CFAP69: variants seen among roughly 807,000 people sequenced by gnomAD.
CFAP69 encodes cilia- and flagella-associated protein 69.
A neutral mutation model predicts 123.0 loss-of-function variants in CFAP69; 92 were observed. That is an observed-to-expected ratio of 0.75 (90% confidence interval 0.63 to 0.89). The LOEUF is 0.89. Ranked by LOEUF, CFAP69 falls within the 40% of genes least tolerant of loss-of-function variation. The pLI is 0.00. For synonymous variants in CFAP69, 380 were observed against 364.3 expected (o/e 1.04, Z -0.49); for missense variants, 1,067 against 1,096.9 (o/e 0.97, Z 0.39).
rs1283218416 is a variant in CFAP69 at position 90,271,795 on chromosome 7, A to G, written c.697A>G (p.Ile233Val). ...TTTATTTTCAGAAGTTAATTGTACT[A>G]TAATGATGAAAGCACAAGCAGCCAG... Reference protein sequence around the residue: ...HLSTSEVNCTIMMKAQAASGI... With the variant: ...HLSTSEVNCTVMMKAQAASGI... Residue 233 changes from isoleucine (I) to valine (V), a missense_variant, in exon 8 of 23, where the codon ATA becomes GTA. Transcript: ENST00000389297. The G allele has an allele frequency of 6.3e-7, 1 of 1,581,374 alleles. No individual in the cohort carries two copies. The highest frequency in any genetic ancestry group is 8.6e-7 in the Non-Finnish European group (1 of 1,163,650).
At chr7:90,321,712 A>G in the CFAP69 span, among the ~76,000 whole-genome samples, 1 of 152,154 alleles carries the variant, frequency 6.6e-6, no homozygotes, top group African/African-American at 2.4e-5. Context: ...GAACGGTTCT[A>G]ATCTCTAGCT....
At chr7:90,309,145 T>C (rs1794013014) in intron 21 of CFAP69, 118 bp from the exon 22 acceptor site, 1 of 499,482 alleles carries the variant, frequency 2.0e-6, no homozygotes, top group East Asian at 3.2e-5. Context: ...ATTTCAGCGC[T>C]ATCTAATAAA....
In CFAP69 at chr7:90,286,224, G is replaced by T. The variant is rs1236737159; in HGVS notation, c.1538-57G>T. The T allele has an allele frequency of 7.8e-6, 11 of 1,414,602 alleles. No homozygotes were observed. In the East Asian group the frequency reaches 2.2e-4, roughly 28 times the overall value. The allele number at this position is 1,414,602 out of a possible 1,614,324, so 87.6% of individuals were successfully genotyped here. Reference sequence around the variant, plus strand: ...TAGAAGAGATTTCCAAACAGTAATTGATCAAAATAAAAGTAGTGTCCAATA... The same window carrying T: ...TAGAAGAGATTTCCAAACAGTAATTTATCAAAATAAAAGTAGTGTCCAATA... On this transcript the variant is annotated intron_variant, in intron 13 of 22. Transcript: ENST00000389297.
rs376753887 is a variant in CFAP69 at position 90,299,118 on chromosome 7, G to A, written c.1858-749G>A. On this transcript the variant is annotated intron_variant, in intron 16 of 22. Coordinates refer to ENST00000389297, the MANE Select transcript of CFAP69 (RefSeq NM_001039706.3). ...TTTCATTTTATAAAAGGAAACTGAT[G>A]ATGTTCGCAATTAAAACAAAAGCTT... 2.6e-5 allele frequency among the ~76,000 whole-genome samples: 4 copies of A among 152,220 alleles called. 1 individual carries two copies.
intron 12 of CFAP69, 130 bp from the exon 13 acceptor site, chr7:90,282,762 T>A: frequency 1.5e-6 from 1 of 659,898 alleles, no homozygotes; most frequent in Non-Finnish European, 2.2e-6. Context: ...TTTATTTCTC[T>A]AAAAAAAAAC....
chr7:90,288,380 A>G (rs756543754), intron 15 of CFAP69, 28 bp downstream of exon 15: 12 of 1,599,094 alleles, frequency 7.5e-6, no homozygotes, highest in Non-Finnish European at 1.0e-5. Context: ...CAAATTAGGT[A>G]GACTCACAGC....
chr7:90,282,951 G>T lies in CFAP69; in HGVS notation c.1432G>T (p.Ala478Ser). 6.3e-7 allele frequency: 1 copy of T among 1,598,162 alleles called. No individual in the cohort carries two copies. Among genetic ancestry groups the T allele is most frequent in the Non-Finnish European group, 8.5e-7 (1 of 1,173,060 alleles). Residue 478 changes from alanine to serine, a missense_variant, in exon 13 of 23, where the codon GCC (alanine) becomes TCC (serine). Transcript: ENST00000389297. Reference sequence around the variant, plus strand: ...TACAGGTGGCCGAGGCAACAAGTTTGCCCAGATGCGTTACAGTTTAAGACT... The same window carrying T: ...TACAGGTGGCCGAGGCAACAAGTTTTCCCAGATGCGTTACAGTTTAAGACT... ...HGTGGRGNKF[A>S]QMRYSLRLLR... is the part of the protein sequence containing the mutation.
the CFAP69 span, among the ~76,000 whole-genome samples, chr7:90,323,549 G>C: frequency 2.0e-5 from 3 of 151,938 alleles, no homozygotes; most frequent in Non-Finnish European, 2.9e-5. Context: ...CGGAAATAGA[G>C]AACAAAACTC....
At chr7:90,297,143 G>A (rs1438557252) in intron 15 of CFAP69, among the ~76,000 whole-genome samples, 1 of 152,190 alleles carries the variant, frequency 6.6e-6, no homozygotes, top group African/African-American at 2.4e-5. Flanking sequence ...GTCATGTGAT[G>A]CTATACCAGA....
rs201631766 is a variant in CFAP69 at position 90,268,354 on chromosome 7, C to T, written c.502C>T (p.His168Tyr). Reference protein sequence around the residue: ...QICKCIVDFYHAEPPKKHIPG... With the variant: ...QICKCIVDFYYAEPPKKHIPG... Reference sequence around the variant, plus strand: ...TTGTAAGTGTATTGTTGATTTTTATCATGCAGAACCACCAAAGAAGCATAT... The same window carrying T: ...TTGTAAGTGTATTGTTGATTTTTATTATGCAGAACCACCAAAGAAGCATAT... The change falls in exon 6 of 23, where the codon CAT becomes TAT. Residue 168 changes from histidine to tyrosine, a missense_variant. Coordinates refer to ENST00000389297, the MANE Select transcript of CFAP69 (RefSeq NM_001039706.3). 6.2e-6 allele frequency: 10 copies of T among 1,609,978 alleles called. No individual in the cohort carries two copies. The highest frequency in any genetic ancestry group is 8.5e-6 in the Non-Finnish European group (10 of 1,178,368).
At chr7:90,321,992 C>T in the CFAP69 span, among the ~76,000 whole-genome samples, 18 of 152,094 alleles carry the variant, frequency 1.2e-4, no homozygotes, top group African/African-American at 4.1e-4. Context: ...CCCCATTTCC[C>T]CTCAGGCAGG....
chr7:90,316,117 C>A, the CFAP69 span, among the ~76,000 whole-genome samples: 1 of 151,892 alleles, frequency 6.6e-6, no homozygotes, highest in Non-Finnish European at 1.5e-5. Context: ...AATAAAGATT[C>A]GATAGAAACA....
In CFAP69 at chr7:90,245,553, A is replaced by G. The variant is rs1796220909; in HGVS notation, c.120+9A>G. On this transcript the variant is annotated intron_variant, in intron 1 of 22. Coordinates refer to ENST00000389297, the MANE Select transcript of CFAP69 (RefSeq NM_001039706.3). ...AGGACGATGAGGCGCAGGTATGAGC[A>G]GGTGTCTGTGCTTTCAGAGGTGGAG... The G allele has an allele frequency of 6.8e-7, 1 of 1,469,062 alleles. No homozygotes were observed. The highest frequency in any genetic ancestry group is 1.5e-5 in the African/African-American group (1 of 67,512). 91.0% of individuals were successfully genotyped at this position (1,469,062 alleles called of 1,614,324 possible).
At chr7:90,316,897 G>A in the CFAP69 span, 5 of 152,168 alleles carry the variant, frequency 3.3e-5, no homozygotes, top group African/African-American at 1.2e-4. Context: ...AGTGATTGAG[G>A]ACAACTGGTT....
intron 3 of CFAP69, among the ~76,000 whole-genome samples, chr7:90,259,593 C>G (rs1253925152): frequency 6.6e-6 from 1 of 152,010 alleles, no homozygotes; most frequent in Non-Finnish European, 1.5e-5. Flanking sequence ...TGGGCTTAAG[C>G]GATCCTCTCA....
In CFAP69 at chr7:90,256,211, A is replaced by G. The variant is rs920480357; in HGVS notation, c.180+729A>G. Among the ~76,000 whole-genome samples the G allele has an allele frequency of 6.6e-5, 10 of 152,344 alleles. No homozygotes were observed. The East Asian group carries it at 1.9e-3, about 29-fold the overall frequency. ...TACTATGCAGCCATAAAAAAGGATGAGTTCCTGTCCTTTCCAGGGACATGG... is the reference window on the plus strand; with the variant it reads ...TACTATGCAGCCATAAAAAAGGATGGGTTCCTGTCCTTTCCAGGGACATGG... On this transcript the variant is annotated intron_variant, in intron 2 of 22. Transcript: ENST00000389297.
At chr7:90,297,994 A>G (rs1333274281) in intron 16 of CFAP69, among the ~76,000 whole-genome samples, 164 bp downstream of exon 16, 2 of 152,212 alleles carry the variant, frequency 1.3e-5, no homozygotes, top group Non-Finnish European at 2.9e-5. Flanking sequence ...CATAATACAC[A>G]GTGTTTTAAA....
At chr7:90,308,790 T>C (rs1793967788) in intron 21 of CFAP69, among the ~76,000 whole-genome samples, 1 of 152,166 alleles carries the variant, frequency 6.6e-6, no homozygotes, top group Non-Finnish European at 1.5e-5. Context: ...GTGTAGCAAA[T>C]ACCTTGAAAA....
chr7:90,289,972 G>T (rs1790883640), intron 15 of CFAP69, among the ~76,000 whole-genome samples: 1 of 152,018 alleles, frequency 6.6e-6, no homozygotes, highest in East Asian at 1.9e-4. Flanking sequence ...CTGGTCTTTT[G>T]TCTATCCTTC....
Sources: gnomAD v4.1 joint callset for allele counts (sites outside exome capture counted in the v4.1 genomes callset) on GRCh38, gnomAD v4.1.1 for gene constraint, MANE v1.5 for transcripts, NCBI Gene and HGNC (gene_info 2026-07-23, HGNC 2026-07-21) for gene names.